The following MAD1L1 variants were observed in gnomAD, a reference collection of about 807,000 sequenced individuals.
The protein encoded by MAD1L1 is mitotic spindle assembly checkpoint protein MAD1.
MAD1L1 carries 95 observed loss-of-function variants against 96.9 expected under a neutral mutation model. The observed-to-expected ratio is 0.98, with a 90% CI of 0.83 to 1.16. The LOEUF (loss-of-function observed/expected upper bound fraction) is 1.16. MAD1L1 is among the 50% of genes most tolerant of loss of function. The pLI is 0.00. For missense variants in MAD1L1, 1,007 were observed against 954.4 expected, an observed-to-expected ratio of 1.06 and a Z score of -0.73; for synonymous variants, 473 against 396.6, an observed-to-expected ratio of 1.19 and a Z score of -2.29.
chr7:1,978,450 G>A (rs942402683), intron 15 of MAD1L1, among the ~76,000 whole-genome samples: 3 of 152,174 alleles, frequency 2.0e-5, no homozygotes, highest in Non-Finnish European at 2.9e-5. Flanking sequence ...CAGGTGGTGG[G>A]GACGGCCCCT....
At chr7:1,864,711 C>A (rs553127318) in intron 18 of MAD1L1, among the ~76,000 whole-genome samples, 39 of 152,276 alleles carry the variant, frequency 2.6e-4, no homozygotes, top group Middle Eastern at 3.4e-3. Context: ...GGTGTTTGGC[C>A]GTGAGGGTGG....
intron 4 of MAD1L1, among the ~76,000 whole-genome samples, chr7:2,224,702 C>T (rs1041810796): frequency 6.6e-6 from 1 of 152,196 alleles, no homozygotes; most frequent in Admixed American, 6.5e-5. Context: ...AGCATTTCCA[C>T]AACTGATCAG....
intron 18 of MAD1L1, among the ~76,000 whole-genome samples, chr7:1,824,710 G>A (rs554989290): frequency 2.6e-5 from 4 of 152,300 alleles, no homozygotes; most frequent in African/African-American, 7.2e-5. Flanking sequence ...TGTGAACCTC[G>A]CTTGTAGAAT....
At chr7:1,879,858 G>C (rs1785587226) in intron 18 of MAD1L1, among the ~76,000 whole-genome samples, 1 of 152,150 alleles carries the variant, frequency 6.6e-6, no homozygotes, top group South Asian at 2.1e-4. Context: ...AGACTCCCCA[G>C]TAGCTGGGAC....
intron 11 of MAD1L1, among the ~76,000 whole-genome samples, chr7:2,147,135 C>T (rs551501285): frequency 1.3e-5 from 2 of 152,318 alleles, no homozygotes; most frequent in African/African-American, 2.4e-5. Flanking sequence ...GTTCAGGAGG[C>T]TCAGACCTCA....
chr7:2,187,863 G>A (rs1023628665), intron 10 of MAD1L1, among the ~76,000 whole-genome samples: 16 of 152,140 alleles, frequency 1.1e-4, no homozygotes, highest in African/African-American at 2.7e-4. Context: ...TCTCAAAAAC[G>A]AATTAAATAA....
At chr7:2,063,860 C>T (rs1352316854) in intron 12 of MAD1L1, among the ~76,000 whole-genome samples, 2 of 152,204 alleles carry the variant, frequency 1.3e-5, no homozygotes, top group Non-Finnish European at 2.9e-5. Context: ...AGCCAGCCTC[C>T]CTCGCTCTGC....
chr7:1,939,302 C>CACGCACACACAT (rs1436922553), intron 16 of MAD1L1, among the ~76,000 whole-genome samples: 1 of 148,840 alleles, frequency 6.7e-6, no homozygotes, highest in Non-Finnish European at 1.5e-5. Flanking sequence ...GCCAGCGGTG[C>CACGCACACACAT]ACGCACACAC....
chr7:2,040,867 A>T (rs1213963347), intron 12 of MAD1L1, among the ~76,000 whole-genome samples: 1 of 152,234 alleles, frequency 6.6e-6, no homozygotes, highest in Non-Finnish European at 1.5e-5. Context: ...CTGCAAACAG[A>T]GGTGTTGGCT....
intron 14 of MAD1L1, among the ~76,000 whole-genome samples, chr7:1,984,959 C>T (rs546740404): frequency 5.9e-5 from 9 of 152,320 alleles, no homozygotes; most frequent in African/African-American, 2.2e-4. Flanking sequence ...TATAACTCAG[C>T]TTTGTTTCAC....
intron 17 of MAD1L1, among the ~76,000 whole-genome samples, chr7:1,919,632 G>A (rs186872801): frequency 4.4e-4 from 67 of 152,326 alleles, no homozygotes; most frequent in Non-Finnish European, 4.3e-4. Context: ...CCATCATGCT[G>A]AGCACACATC....
Position 1,987,339 on chromosome 7 carries a change from G to A in MAD1L1, c.1417-6798C>T, listed in dbSNP as rs552884961. On this transcript the variant is annotated intron_variant, in intron 14 of 18. Transcript: ENST00000265854. ...ACAGTCGGTGCTTGGACGGGCACAC[G>A]GGTGGGCAGATGGTGGGCACAGACG... 1.9e-3 allele frequency among the ~76,000 whole-genome samples: 297 copies of A among 152,344 alleles called. 2 individuals are homozygous for A. Among genetic ancestry groups the A allele is most frequent in the African/African-American group, 6.6e-3 (273 of 41,578 alleles).
intron 13 of MAD1L1, among the ~76,000 whole-genome samples, chr7:2,006,411 A>T (rs1394697592): frequency 1.3e-5 from 2 of 152,156 alleles, no homozygotes; most frequent in African/African-American, 4.8e-5. Flanking sequence ...CTGTGGAGGG[A>T]GGGTGTGAGA....
At chr7:1,890,781 G>C (rs1268585323) in intron 18 of MAD1L1, among the ~76,000 whole-genome samples, 1 of 152,212 alleles carries the variant, frequency 6.6e-6, no homozygotes, top group Non-Finnish European at 1.5e-5. Flanking sequence ...GCCCCACTTT[G>C]TCCTTGGGGA....
At chr7:2,132,187 T>C (rs1303792536) in intron 11 of MAD1L1, among the ~76,000 whole-genome samples, 1 of 152,208 alleles carries the variant, frequency 6.6e-6, no homozygotes, top group South Asian at 2.1e-4. Context: ...ATTATAGGTT[T>C]ACAGGAAAAC....
At position 2,194,074 on chromosome 7, in the gene MAD1L1, G is replaced by T. The variant is rs116309503; in HGVS notation, c.986+19138C>A. 9.1e-3 allele frequency among the ~76,000 whole-genome samples: 1,356 copies of T among 149,654 alleles called. 20 individuals carry two copies. The highest frequency in any genetic ancestry group is 0.031 in the African/African-American group (1,268 of 40,942). On this transcript the variant is annotated intron_variant, in intron 10 of 18. Coordinates refer to ENST00000265854, the MANE Select transcript of MAD1L1 (RefSeq NM_001013836.2). ...TCCTCCTGACTTGGCCTCTCGAGTT[G>T]TTGGGACCATGGGTGCGTGCCACCA...
At chr7:1,923,485 A>ACCCT (rs758581092) in intron 17 of MAD1L1, among the ~76,000 whole-genome samples, 5 of 135,266 alleles carry the variant, frequency 3.7e-5, no homozygotes, top group African/African-American at 5.5e-5. Context: ...CCGCCCCGGC[A>ACCCT]GCCGGGCAAC....
chr7:2,139,129 A>C (rs1256913870), intron 11 of MAD1L1, among the ~76,000 whole-genome samples: 1 of 152,064 alleles, frequency 6.6e-6, no homozygotes, highest in African/African-American at 2.4e-5. Flanking sequence ...CTGTGTGGCC[A>C]GCCCACCCAG....
At chr7:1,859,328 G>A (rs755225234) in intron 18 of MAD1L1, among the ~76,000 whole-genome samples, 2 of 152,222 alleles carry the variant, frequency 1.3e-5, no homozygotes, top group African/African-American at 2.4e-5. Flanking sequence ...GGTTCACCAG[G>A]CGTCTCCATA....
Sources: gnomAD v4.1 joint callset for allele counts (sites outside exome capture counted in the v4.1 genomes callset) on GRCh38, gnomAD v4.1.1 for gene constraint, MANE v1.5 for transcripts, NCBI Gene and HGNC (gene_info 2026-07-23, HGNC 2026-07-21) for gene names.